The following PLCB1 variants were observed in gnomAD, a reference collection of about 807,000 sequenced individuals.
PLCB1 encodes the protein phospholipase C beta 1, also known as 1-phosphatidylinositol 4,5-bisphosphate phosphodiesterase beta-1.
A neutral mutation model predicts 161.8 loss-of-function variants in PLCB1; 46 were observed. The ratio of observed to expected loss-of-function variants is 0.28; its 90% CI spans 0.22 to 0.36. The LOEUF is 0.36. Ranked by LOEUF, PLCB1 falls within the 10% of genes least tolerant of loss-of-function variation. The pLI, the probability that PLCB1 is intolerant of heterozygous loss-of-function variation, is 1.00. For missense variants in PLCB1, 1,016 were observed against 1,472.5 expected, an observed-to-expected ratio of 0.69 and a Z score of 5.07; for synonymous variants, 517 against 503.7, an observed-to-expected ratio of 1.03 and a Z score of -0.35.
At chr20:8,681,086 G>GTGTATATATATATATATATATA (rs1394518085) in intron 9 of PLCB1, among the ~76,000 whole-genome samples, 2 of 73,854 alleles carry the variant, frequency 2.7e-5, no homozygotes, top group African/African-American at 5.5e-5. Context: ...ATGTGTGTGT[G>GTGTATATATATATATATATATA]TATATATATA....
rs1983752256 is a variant in PLCB1 at position 8,508,788 on chromosome 20, T to TTATC, written c.247-119503_247-119502insCTAT. ...ATTTAAAACATGTATATGCTTTGAATTATATATATATATATGAATTATATT... is the reference window on the plus strand; with the variant it reads ...ATTTAAAACATGTATATGCTTTGAATTATCTATATATATATATATGAATTATATT... On this transcript the variant is annotated intron_variant, in intron 3 of 31. Transcript: ENST00000338037. Among the ~76,000 whole-genome samples, 4 of 150,810 alleles carry TTATC rather than the reference T, an allele frequency of 2.7e-5. No homozygotes were observed. In the South Asian group the frequency reaches 8.4e-4, roughly 32 times the overall value.
chr20:8,400,085 A>C (rs539454785), intron 3 of PLCB1, among the ~76,000 whole-genome samples: 1 of 152,296 alleles, frequency 6.6e-6, no homozygotes, highest in Admixed American at 6.5e-5. Flanking sequence ...GAAATCTTGC[A>C]TAATGTCAGA....
chr20:8,856,579 T>A (rs1311998277), intron 31 of PLCB1, among the ~76,000 whole-genome samples: 1 of 152,130 alleles, frequency 6.6e-6, no homozygotes, highest in Admixed American at 6.5e-5. Context: ...ATCACACCAC[T>A]GCACTCCAGC....
At chr20:8,381,964 CT>C (rs1987267223) in intron 3 of PLCB1, among the ~76,000 whole-genome samples, 1 of 152,020 alleles carries the variant, frequency 6.6e-6, no homozygotes, top group African/African-American at 2.4e-5. Flanking sequence ...CAGGTCTGCC[CT>C]GATCTTAGTT....
At chr20:8,361,601 G>A (rs1019349416) in intron 2 of PLCB1, among the ~76,000 whole-genome samples, 10 of 152,026 alleles carry the variant, frequency 6.6e-5, no homozygotes, top group Admixed American at 3.3e-4. Flanking sequence ...GAGAACCACT[G>A]GTGTGGAGAA....
chr20:8,722,487 A>C, intron 15 of PLCB1, 66 bp downstream of exon 15: 471 of 1,195,806 alleles, frequency 3.9e-4, no homozygotes, highest in Non-Finnish European at 4.9e-4. Flanking sequence ...GGTCTGTCTC[A>C]TGGTCACTTT....
intron 3 of PLCB1, among the ~76,000 whole-genome samples, chr20:8,545,519 A>G (rs1438173683): frequency 6.6e-6 from 1 of 152,196 alleles, no homozygotes; most frequent in African/African-American, 2.4e-5. Flanking sequence ...CCAATTAAAA[A>G]CTAAATGCAA....
intron 23 of PLCB1, among the ~76,000 whole-genome samples, chr20:8,749,128 C>G (rs1981322934): frequency 6.6e-6 from 1 of 152,138 alleles, no homozygotes; most frequent in African/African-American, 2.4e-5. Context: ...TAGCATGTAC[C>G]AGAATCACCC....
chr20:8,575,967 TTAAC>T (rs1371264131), intron 3 of PLCB1, among the ~76,000 whole-genome samples: 1 of 152,156 alleles, frequency 6.6e-6, no homozygotes, highest in African/African-American at 2.4e-5. Context: ...CATTTGCAAA[TTAAC>T]TAAGTCATAA....
intron 24 of PLCB1, 49 bp downstream of exon 24, chr20:8,757,227 CA>C (rs753095071): frequency 6.5e-7 from 1 of 1,548,318 alleles, no homozygotes; most frequent in East Asian, 2.3e-5. Flanking sequence ...TCCTCCAGTT[CA>C]TTAGTGCCAC....
At chr20:8,701,605 T>G (rs1978360657) in intron 11 of PLCB1, among the ~76,000 whole-genome samples, 1 of 152,226 alleles carries the variant, frequency 6.6e-6, no homozygotes, top group African/African-American at 2.4e-5. Context: ...AATTCCTATG[T>G]TCCTTGTTTA....
chr20:8,267,259 G>A (rs1384289041), intron 2 of PLCB1, among the ~76,000 whole-genome samples: 1 of 152,096 alleles, frequency 6.6e-6, no homozygotes, highest in African/African-American at 2.4e-5. Context: ...TCCAGCTGCT[G>A]CTAGTGTTGG....
intron 23 of PLCB1, among the ~76,000 whole-genome samples, chr20:8,750,040 A>G (rs1008648952): frequency 1.3e-5 from 2 of 152,188 alleles, no homozygotes; most frequent in Non-Finnish European, 2.9e-5. Context: ...AGATGCTCTC[A>G]TAGCCCTTAC....
intron 31 of PLCB1, among the ~76,000 whole-genome samples, chr20:8,794,204 TACATCCTCCTCGGCTG>T (rs1983907181): frequency 6.6e-6 from 1 of 152,198 alleles, no homozygotes; most frequent in South Asian, 2.1e-4. Flanking sequence ...TGAGGTGACA[TACATCCTCCTCGGCTG>T]ACAGGATTAA....
Position 8,521,910 on chromosome 20 carries a change from C to A in PLCB1, c.247-106384C>A, listed in dbSNP as rs530662362. Among the ~76,000 whole-genome samples the A allele has an allele frequency of 9.2e-5, 14 of 152,278 alleles. 1 individual carries two copies. In the South Asian group the frequency reaches 2.9e-3, roughly 32 times the overall value. On this transcript the variant is annotated intron_variant, in intron 3 of 31. Transcript: ENST00000338037. ...AGAAACCAAACAAAGTTCGGGAGTGCAAACTATATTCTCCTTCTTTCTTAA... is the reference window on the plus strand; with the variant it reads ...AGAAACCAAACAAAGTTCGGGAGTGAAAACTATATTCTCCTTCTTTCTTAA...
At chr20:8,532,669 T>C (rs1984860170) in intron 3 of PLCB1, among the ~76,000 whole-genome samples, 2 of 151,960 alleles carry the variant, frequency 1.3e-5, no homozygotes, top group Admixed American at 6.6e-5. Flanking sequence ...TAAAAGATAA[T>C]CCCGGTTACA....
chr20:8,702,811 A>G (rs1320886542), intron 11 of PLCB1, among the ~76,000 whole-genome samples: 1 of 152,224 alleles, frequency 6.6e-6, no homozygotes. Flanking sequence ...TGGTTTTCTC[A>G]TCCTAACTGA....
In PLCB1 at chr20:8,591,581, C is replaced by T. The variant is rs573957458; in HGVS notation, c.247-36713C>T. Among the ~76,000 whole-genome samples, 67 of 152,186 alleles carry T rather than the reference C, an allele frequency of 4.4e-4. No individual in the cohort carries two copies. In the South Asian group the frequency reaches 0.011, roughly 25 times the overall value. ...CAAGTAGAATGTCCAGCTGTGGGTA[C>T]GGAGCAAAGGTGTCAGTAAACTGTA... On this transcript the variant is annotated intron_variant, in intron 3 of 31. Transcript: ENST00000338037.
intron 10 of PLCB1, among the ~76,000 whole-genome samples, chr20:8,687,272 G>A (rs1990381627): frequency 6.6e-6 from 1 of 152,120 alleles, no homozygotes; most frequent in African/African-American, 2.4e-5. Flanking sequence ...CAATCCTTCT[G>A]CCTCAGCCTC....
Sources: gnomAD v4.1 joint callset for allele counts (sites outside exome capture counted in the v4.1 genomes callset) on GRCh38, gnomAD v4.1.1 for gene constraint, MANE v1.5 for transcripts, NCBI Gene and HGNC (gene_info 2026-07-23, HGNC 2026-07-21) for gene names.